Variants in LRP1 observed in about 807,000 individuals in gnomAD.
LRP1 encodes LDL receptor related protein 1.
LRP1 carries 51 observed loss-of-function variants against 541.5 expected under a neutral mutation model. That is an observed-to-expected ratio of 0.09 (90% CI 0.08 to 0.12). LRP1 has a LOEUF of 0.12. LRP1 is among the 10% of genes least tolerant of loss of function. LRP1 has a pLI of 1.00. For synonymous variants in LRP1, 2,219 were observed against 2,470.8 expected, an observed-to-expected ratio of 0.90 and a Z score of 3.02; for missense variants, 3,878 against 6,376.2, an observed-to-expected ratio of 0.61 and a Z score of 13.34.
At chr12:57,195,557 GC>G in intron 52 of LRP1, 100 bp from the exon 53 acceptor site, 1 of 1,592,096 alleles carries the variant, frequency 6.3e-7, no homozygotes, top group South Asian at 1.1e-5. Flanking sequence ...CTCATCCAGT[GC>G]CCTGCCCACT....
chr12:57,178,486 C>A lies in LRP1; in HGVS notation c.4489C>A (p.Arg1497=). 1.2e-6 allele frequency: 2 copies of A among 1,614,196 alleles called. No homozygotes were observed. Among genetic ancestry groups the A allele is most frequent in the Non-Finnish European group, 8.5e-7 (1 of 1,180,030 alleles). ...GGGGGAGGTCTACTGGACTGACTGGCGAACAAACACACTGGCTAAGGCCAA... is the reference window on the plus strand; with the variant it reads ...GGGGGAGGTCTACTGGACTGACTGGAGAACAAACACACTGGCTAAGGCCAA... ...YGGEVYWTDW[R]TNTLAKANKW... Residue 1497 remains arginine (R), a synonymous_variant, in exon 27 of 89, where the codon CGA becomes AGA. Coordinates refer to ENST00000243077, the MANE Select transcript of LRP1 (RefSeq NM_002332.3). This position sits in a 1 kb window ranked among gnomAD's most constrained non-coding sequence, Gnocchi z 5.8.
rs920429540 is a variant in LRP1, at chr12:57,197,240, G to T, written c.9077-59G>T. On this transcript the variant is annotated intron_variant, in intron 56 of 88. Transcript: ENST00000243077. This position sits in a 1 kb window ranked among gnomAD's most constrained non-coding sequence, Gnocchi z 4.5. ...GCCCGGGTGGCAGAGCTCCAGACAG[G>T]CAGGAGACCAGGGCCGCTAGAATGT... 6.2e-6 allele frequency: 10 copies of T among 1,611,902 alleles called. No individual in the cohort carries two copies. The highest frequency in any genetic ancestry group is 8.5e-6 in the Non-Finnish European group (10 of 1,178,162).
At position 57,161,493 on chromosome 12, in the gene LRP1, G is replaced by A. The variant is rs117211198; in HGVS notation, c.2202+378G>A. Among the ~76,000 whole-genome samples, 319 of 152,176 alleles carry A rather than the reference G, an allele frequency of 2.1e-3. 6 individuals carry two copies. The East Asian group carries it at 0.053, about 25-fold the overall frequency. ...TCTGCAAGTGTGAGGGCCTAGGGAC[G>A]GCATATCTCTACACTTGGTCATTTG... is the stretch of plus-strand genomic sequence containing the variant. On this transcript the variant is annotated intron_variant, in intron 13 of 88. Coordinates refer to ENST00000243077, the MANE Select transcript of LRP1 (RefSeq NM_002332.3).
intron 1 of LRP1, among the ~76,000 whole-genome samples, chr12:57,137,624 C>T (rs1380640289): frequency 4.7e-4 from 72 of 151,986 alleles, no homozygotes; most frequent in Non-Finnish European, 1.3e-4. Context: ...GGTGAAACCC[C>T]GTCTCTACTA....
Position 57,185,275 on chromosome 12 carries a change from G to C in LRP1, c.6463+70G>C. The C allele has an allele frequency of 6.3e-7, 1 of 1,585,132 alleles. No individual in the cohort carries two copies. Among genetic ancestry groups the C allele is most frequent in the Non-Finnish European group, 8.6e-7 (1 of 1,161,832 alleles). On this transcript the variant is annotated intron_variant, in intron 40 of 88. Transcript: ENST00000243077. The surrounding 1 kb of genome is among the most constrained non-coding windows in gnomAD (Gnocchi z 4.9). ...CTGGCCTGGGAGAGTGCTCCCCAGG[G>C]AACCCAGTGTGAGAGGGCTGGGAGA...
rs1403983340 is a variant in LRP1, at chr12:57,179,802, C to A, written c.4987C>A (p.Leu1663Met). The change falls in exon 30 of 89, where the codon CTG becomes ATG. Residue 1663 changes from leucine to methionine, a missense_variant. Physicochemically the swap from Leu to Met is conservative, Grantham distance 15. Around this residue, in one of 13 missense-constraint regions of LRP1, gnomAD observed 394 missense variants for 635.9 expected, o/e 0.62. Transcript: ENST00000243077. The surrounding 1 kb of genome is among the most constrained non-coding windows in gnomAD (Gnocchi z 6.8). ...VSADLPNAHG[L>M]AVDWVSRNLF... Reference sequence around the variant, plus strand: ...CCCAGACTTGCCAAATGCCCACGGGCTGGCTGTGGACTGGGTCTCCCGAAA... The same window carrying A: ...CCCAGACTTGCCAAATGCCCACGGGATGGCTGTGGACTGGGTCTCCCGAAA... The A allele has an allele frequency of 6.2e-7, 1 of 1,614,074 alleles. No individual in the cohort carries two copies. The highest frequency in any genetic ancestry group is 8.5e-7 in the Non-Finnish European group (1 of 1,179,986).
At chr12:57,187,227 T>C (rs745904246) in intron 41 of LRP1, 40 bp from the exon 42 acceptor site, 4 of 1,587,494 alleles carry the variant, frequency 2.5e-6, no homozygotes. Flanking sequence ...GGCTGCCCTC[T>C]GGGCCCTCCT....
rs971006582 is a variant in LRP1 at position 57,173,426 on chromosome 12, G to A, written c.3346+76G>A. The A allele has an allele frequency of 2.3e-5, 34 of 1,474,470 alleles. No individual in the cohort carries two copies. The highest frequency in any genetic ancestry group is 5.5e-5 in the African/African-American group (4 of 72,366). 91.3% of individuals were successfully genotyped at this position (1,474,470 alleles called of 1,614,324 possible). ...GAGACCGTGTTGAGAGCAGAGTAGC[G>A]GCAAAGGGGATGGCACTGTGCTGTG... On this transcript the variant is annotated intron_variant, in intron 21 of 88. Coordinates refer to ENST00000243077, the MANE Select transcript of LRP1 (RefSeq NM_002332.3). The surrounding 1 kb of genome is among the most constrained non-coding windows in gnomAD (Gnocchi z 4.7).
chr12:57,132,341 C>T (rs2035054376), intron 1 of LRP1, among the ~76,000 whole-genome samples: 1 of 152,138 alleles, frequency 6.6e-6, no homozygotes, highest in Non-Finnish European at 1.5e-5. Context: ...CTCCCTCTCC[C>T]ACCAGGCCTT....
chr12:57,176,218 C>A, intron 24 of LRP1, 112 bp downstream of exon 24: 1 of 1,032,742 alleles, frequency 9.7e-7, no homozygotes, highest in East Asian at 2.5e-5. Context: ...CCCCCATCCC[C>A]CACACTTCTG....
rs756006963 is a variant in LRP1, at chr12:57,178,734, G to T, written c.4606+131G>T. 1.8e-5 allele frequency: 27 copies of T among 1,518,992 alleles called. No individual in the cohort carries two copies. Among genetic ancestry groups the T allele is most frequent in the Non-Finnish European group, 2.3e-5 (26 of 1,121,304 alleles). The allele number at this position is 1,518,992 out of a possible 1,614,324, so 94.1% of individuals were successfully genotyped here. A position where few individuals can be genotyped will look rare whatever the true frequency, so the allele number is the denominator to read the frequency against. ...GTGCTGGGATGGCAGGGGTAGGCCG[G>T]CTGTTGACAGAGGCACTGTCTAGCA... On this transcript the variant is annotated intron_variant, in intron 27 of 88. Coordinates refer to ENST00000243077, the MANE Select transcript of LRP1 (RefSeq NM_002332.3). The surrounding 1 kb of genome is among the most constrained non-coding windows in gnomAD (Gnocchi z 5.8).
chr12:57,129,069 G>T, intron 1 of LRP1, 38 bp downstream of exon 1: 3 of 1,546,204 alleles, frequency 1.9e-6, no homozygotes, highest in South Asian at 1.2e-5. Context: ...ACCCCTGGGG[G>T]CACCCTCTCC....
chr12:57,209,494 C>A lies in LRP1; in HGVS notation c.12263-198C>A, dbSNP rs6421185. On this transcript the variant is annotated intron_variant, in intron 79 of 88. Transcript: ENST00000243077. ...GAGAAGGAATAGAAGTCAGTCATGA[C>A]TGACCCCAGAAGTCTGGGGGTGATG... is the stretch of plus-strand genomic sequence containing the variant. 0.97 allele frequency among the ~76,000 whole-genome samples: 148,450 copies of A among 152,318 alleles called. 72,489 individuals carry two copies. Among genetic ancestry groups the A allele is most frequent in the Middle Eastern group, 1 (294 of 294 alleles).
chr12:57,145,974 G>A (rs575030965), intron 6 of LRP1, among the ~76,000 whole-genome samples: 1 of 152,276 alleles, frequency 6.6e-6, no homozygotes, highest in African/African-American at 2.4e-5. Flanking sequence ...TGCCATCGGG[G>A]GAGGGCAGTA....
intron 67 of LRP1, 145 bp downstream of exon 67, chr12:57,202,050 G>A: frequency 2.8e-6 from 3 of 1,066,022 alleles, no homozygotes; most frequent in Admixed American, 2.2e-5. Flanking sequence ...CTGTGGGGCT[G>A]GGGAAGGAGG....
At position 57,210,805 on chromosome 12, in the gene LRP1, C is replaced by A; in HGVS notation, c.12842C>A (p.Thr4281Asn). ...GCGGGCTACTGTGCCAACAACAGCA[C>A]CTGCACTGTCAACCAGGGCAACCAG... ...VCAGYCANNS[T>N]CTVNQGNQPQ... The change falls in exon 83 of 89, where the codon ACC becomes AAC. Residue 4281 changes from threonine (T) to asparagine (N), a missense_variant. This residue lies in a region of LRP1 where 871 missense variants were observed against 1,212.4 expected (regional missense o/e 0.72). Transcript: ENST00000243077. 6.2e-7 allele frequency: 1 copy of A among 1,613,532 alleles called. No individual in the cohort carries two copies. Among genetic ancestry groups the A allele is most frequent in the Non-Finnish European group, 8.5e-7 (1 of 1,179,888 alleles).
chr12:57,165,945 C>T lies in LRP1; in HGVS notation c.2671C>T (p.His891Tyr), dbSNP rs746342159. 22 of 1,613,968 alleles carry T rather than the reference C, an allele frequency of 1.4e-5. No individual in the cohort carries two copies. The East Asian group carries it at 2.0e-4, about 15-fold the overall frequency. The change falls in exon 16 of 89, where the codon CAT becomes TAT. Residue 891 changes from histidine (H) to tyrosine (Y), a missense_variant and splice_region_variant. Coordinates refer to ENST00000243077, the MANE Select transcript of LRP1 (RefSeq NM_002332.3). The surrounding 1 kb of genome is among the most constrained non-coding windows in gnomAD (Gnocchi z 4.5). ...DNSDEAPALCHQHTCPSDRFK... is the reference protein window; with the variant it reads ...DNSDEAPALCYQHTCPSDRFK... ...CAGTGATGAGGCCCCAGCCCTCTGC[C>T]GTGAGTCACACGCCCTGCCCCACCC...
At chr12:57,172,306 A>G (rs1395725092) in intron 20 of LRP1, among the ~76,000 whole-genome samples, 1 of 151,966 alleles carries the variant, frequency 6.6e-6, no homozygotes, top group Non-Finnish European at 1.5e-5. Context: ...AGTAGCTGGG[A>G]CTACAGGTGC....
At chr12:57,203,586 T>C in intron 70 of LRP1, 65 bp downstream of exon 70, 1 of 1,425,080 alleles carries the variant, frequency 7.0e-7, no homozygotes. Context: ...CATGGCCCAG[T>C]CATTCACTCA....
Sources: gnomAD v4.1 joint callset for allele counts (sites outside exome capture counted in the v4.1 genomes callset) on GRCh38, gnomAD v4.1.1 for gene constraint, gnomAD v4.1.1 regional missense constraint, Gnocchi (gnomAD v3.1) non-coding constraint, MANE v1.5 for transcripts, NCBI Gene and HGNC (gene_info 2026-07-23, HGNC 2026-07-21) for gene names.